HECW2: variants seen among roughly 807,000 people sequenced by gnomAD.
HECW2 encodes E3 ubiquitin-protein ligase HECW2.
Under a neutral mutation model 175.2 loss-of-function variants are expected in HECW2, and 61 were observed. The ratio of observed to expected loss-of-function variants is 0.35; its 90% confidence interval spans 0.28 to 0.43. The LOEUF (loss-of-function observed/expected upper bound fraction) is 0.43, where lower values mean the gene tolerates loss of function less well. HECW2 is among the 20% of genes least tolerant of loss of function. HECW2 has a pLI of 1.00. For missense variants in HECW2, 1,524 were observed against 2,000.5 expected (o/e 0.76, Z 4.54); for synonymous variants, 671 against 731.0 (o/e 0.92, Z 1.32).
intron 3 of HECW2, among the ~76,000 whole-genome samples, chr2:196,342,011 A>G (rs1202880369): frequency 4.6e-5 from 7 of 152,178 alleles, no homozygotes; most frequent in Admixed American, 4.6e-4. Context: ...GTACCCACAC[A>G]TTCTCTTTTA....
Position 196,319,839 on chromosome 2 carries a change from G to A in HECW2, c.1051C>T (p.Pro351Ser), listed in dbSNP as rs150137042. 3 of 1,614,102 alleles carry A rather than the reference G, an allele frequency of 1.9e-6. No individual in the cohort carries two copies. Among genetic ancestry groups the A allele is most frequent in the Non-Finnish European group, 2.5e-6 (3 of 1,179,976 alleles). ...CCTGGCATGTCCTCGTCATCGGAAG[G>A]GCTACCTAAGTCTCCATTCACAGAA... Reference protein sequence around the residue: ...VNSVNGDLGSPSDDEDMPGSH... With the variant: ...VNSVNGDLGSSSDDEDMPGSH... The change falls in exon 9 of 29, where the codon CCT becomes TCT. Residue 351 changes from proline to serine, a missense_variant. Coordinates refer to ENST00000644978, the MANE Select transcript of HECW2 (RefSeq NM_001348768.2).
At chr2:196,453,289 T>C (rs1443504801) in intron 1 of HECW2, among the ~76,000 whole-genome samples, 2 of 152,214 alleles carry the variant, frequency 1.3e-5, no homozygotes, top group African/African-American at 4.8e-5. Context: ...GATGCTAAAA[T>C]GCATCAGACA....
intron 2 of HECW2, among the ~76,000 whole-genome samples, chr2:196,347,946 G>A (rs1693020036): frequency 6.6e-6 from 1 of 152,234 alleles, no homozygotes; most frequent in Non-Finnish European, 1.5e-5. Context: ...TGAGAAATAA[G>A]TTTAGGGACA....
chr2:196,218,259 A>G (rs918925901), intron 26 of HECW2: 2 of 152,202 alleles, frequency 1.3e-5, no homozygotes, highest in Non-Finnish European at 2.9e-5. Flanking sequence ...AATGTGTCTC[A>G]TCATATTCTC....
At chr2:196,564,507 C>T (rs1391544689) in intron 1 of HECW2, among the ~76,000 whole-genome samples, 1 of 152,102 alleles carries the variant, frequency 6.6e-6, no homozygotes, top group Non-Finnish European at 1.5e-5. Flanking sequence ...GTATCTATAA[C>T]TTATTTTTAA....
intron 1 of HECW2, among the ~76,000 whole-genome samples, chr2:196,502,261 TTTTC>T (rs1244029087): frequency 6.6e-6 from 1 of 152,186 alleles, no homozygotes; most frequent in Non-Finnish European, 1.5e-5. Context: ...TGTTCCAGAC[TTTTC>T]TTTGTTTTTA....
chr2:196,572,166 T>C (rs1041760424), intron 1 of HECW2, among the ~76,000 whole-genome samples: 4 of 152,090 alleles, frequency 2.6e-5, no homozygotes, highest in Non-Finnish European at 5.9e-5. Context: ...GTTTAATGGG[T>C]ACAGGGTTTC....
intron 15 of HECW2, among the ~76,000 whole-genome samples, chr2:196,274,447 T>C (rs1162531773): frequency 1.3e-5 from 2 of 152,234 alleles, no homozygotes; most frequent in African/African-American, 4.8e-5. Context: ...TCATCAGGAC[T>C]AACTTCTGCA....
At chr2:196,424,266 C>G (rs879620476) in intron 2 of HECW2, among the ~76,000 whole-genome samples, 11 of 152,064 alleles carry the variant, frequency 7.2e-5, no homozygotes, top group Non-Finnish European at 1.2e-4. Context: ...CAACGATCCT[C>G]TTTCTCCCTC....
intron 19 of HECW2, among the ~76,000 whole-genome samples, chr2:196,249,483 G>C (rs1443318271): frequency 6.6e-6 from 1 of 152,258 alleles, no homozygotes; most frequent in Middle Eastern, 3.4e-3. Flanking sequence ...AGTTTACCAG[G>C]TTCCTAGGAA....
intron 4 of HECW2, chr2:196,331,212 A>C (rs1692345777): frequency 1.0e-6 from 1 of 985,168 alleles, no homozygotes; most frequent in South Asian, 4.7e-5. Context: ...CTATAGATCC[A>C]ATTCCTGGGT....
chr2:196,389,630 A>G (rs1694449158), intron 2 of HECW2, among the ~76,000 whole-genome samples: 1 of 152,176 alleles, frequency 6.6e-6, no homozygotes, highest in South Asian at 2.1e-4. Context: ...TGACCTTGTC[A>G]GGGTCTCAGA....
At chr2:196,274,632 A>G (rs1689872875) in intron 15 of HECW2, among the ~76,000 whole-genome samples, 5 of 152,186 alleles carry the variant, frequency 3.3e-5, no homozygotes, top group Non-Finnish European at 7.4e-5. Flanking sequence ...GAGTTAGTGT[A>G]TTATCTCCTC....
At chr2:196,209,768 T>TC (rs202197869) in intron 28 of HECW2, among the ~76,000 whole-genome samples, 1,055 of 62,864 alleles carry the variant, frequency 0.017, 6 homozygotes, top group African/African-American at 0.041. Flanking sequence ...TTTCTTTCTT[T>TC]TTTTTTTTTT....
rs540835996 is a variant in HECW2 at position 196,574,867 on chromosome 2, A to G, written c.-36+18641T>C. 8.5e-5 allele frequency among the ~76,000 whole-genome samples: 13 copies of G among 152,252 alleles called. No homozygotes were observed. The South Asian group carries it at 2.5e-3, about 29-fold the overall frequency. ...GAACTGAATAAAAAGCCAAGAAATT[A>G]ATCTACTCATTTACAGTCATCTGAT... On this transcript the variant is annotated intron_variant, in intron 1 of 28. Coordinates refer to ENST00000644978, the MANE Select transcript of HECW2 (RefSeq NM_001348768.2).
chr2:196,303,950 G>C (rs991500373), intron 13 of HECW2, among the ~76,000 whole-genome samples: 4 of 152,052 alleles, frequency 2.6e-5, no homozygotes, highest in Non-Finnish European at 5.9e-5. Context: ...TGCTAACTGC[G>C]TTAGCCCAAG....
In HECW2 at chr2:196,318,950, T is replaced by G. The variant is rs1335022779; in HGVS notation, c.1940A>C (p.Glu647Ala). The G allele has an allele frequency of 6.2e-7, 1 of 1,610,116 alleles. No homozygotes were observed. Among genetic ancestry groups the G allele is most frequent in the South Asian group, 1.1e-5 (1 of 90,236 alleles). ...AGAGGACAGCTGCGTGGTCACACTC[T>G]CATTGCAGGAGCTGTCAGCGCATTC... ...DLECADSSCN[E>A]SVTTQLSSVD... is the part of the protein sequence containing the mutation. The change falls in exon 9 of 29, where the codon GAG becomes GCG. Residue 647 changes from glutamate to alanine, a missense_variant. By Grantham distance (107) the Glu-to-Ala change is moderately radical. This residue lies in a region of HECW2 where 604 missense variants were observed against 588.3 expected (regional missense o/e 1.03). Transcript: ENST00000644978.
intron 14 of HECW2, chr2:196,290,227 G>C (rs1472959658): frequency 6.6e-6 from 1 of 152,118 alleles, no homozygotes; most frequent in Non-Finnish European, 1.5e-5. Flanking sequence ...CAGAAAATAG[G>C]ATGTTTTGTA....
At chr2:196,227,979 T>C (rs779785048) in intron 22 of HECW2, 123 bp downstream of exon 22, 3 of 854,640 alleles carry the variant, frequency 3.5e-6, no homozygotes, top group Non-Finnish European at 5.2e-6. Flanking sequence ...AAATGAGGTA[T>C]TTAACTGAAA....
Sources: allele counts gnomAD v4.1 joint callset (sites outside exome capture counted in the v4.1 genomes callset), GRCh38; gene constraint gnomAD v4.1.1; regional missense constraint gnomAD v4.1.1; transcripts MANE v1.5; gene names NCBI Gene and HGNC (gene_info 2026-07-23, HGNC 2026-07-21).